MIA2: variants seen among roughly 807,000 people sequenced by gnomAD.
The protein encoded by MIA2 is MIA SH3 domain ER export factor 2.
In MIA2, 127 loss-of-function variants were observed where a neutral mutation model predicts 167.8. The observed-to-expected ratio is 0.76, with a 90% CI of 0.66 to 0.88. The LOEUF (loss-of-function observed/expected upper bound fraction) is 0.88. Among genes scored for constraint, MIA2 ranks in the 40% least tolerant of loss-of-function variants. MIA2 has a pLI of 0.00. For synonymous variants in MIA2, 552 were observed against 541.9 expected (o/e 1.02, Z -0.26); for missense variants, 1,690 against 1,624.7 (o/e 1.04, Z -0.69).
rs556712521 is a variant in MIA2, at chr14:39,272,136, G to A, written c.1888-4798G>A. Among the ~76,000 whole-genome samples the A allele has an allele frequency of 3.9e-5, 6 of 152,202 alleles. No homozygotes were observed. In the South Asian group the frequency reaches 8.3e-4, roughly 21 times the overall value. On this transcript the variant is annotated intron_variant, in intron 6 of 28. Transcript: ENST00000640607. ...TGGGAGGCTGATGGGGGTGGATCAC[G>A]AGGTCAGGAGTTTGAGACCAGCCTG...
At chr14:39,305,819 C>T (rs1047750294) in intron 17 of MIA2, among the ~76,000 whole-genome samples, 2 of 151,818 alleles carry the variant, frequency 1.3e-5, no homozygotes, top group Non-Finnish European at 2.9e-5. Context: ...GCCTGTAATC[C>T]CAGCTGCTTG....
intron 23 of MIA2, among the ~76,000 whole-genome samples, chr14:39,359,273 T>G (rs1439062495): frequency 6.6e-6 from 1 of 152,216 alleles, no homozygotes; most frequent in African/African-American, 2.4e-5. Flanking sequence ...CCCCCAGCCT[T>G]GCTGTCGCCT....
intron 23 of MIA2, among the ~76,000 whole-genome samples, chr14:39,379,975 A>T (rs903001723): frequency 6.6e-6 from 1 of 152,238 alleles, no homozygotes; most frequent in South Asian, 2.1e-4. Context: ...TTGCTTTTCA[A>T]TGTGGGGAGT....
At chr14:39,346,130 T>C in intron 26 of MIA2, 104 bp downstream of exon 26, 1 of 898,464 alleles carries the variant, frequency 1.1e-6, no homozygotes, top group Non-Finnish European at 1.8e-6. Flanking sequence ...TAGTAGTTCC[T>C]AAGGCCAAAA....
chr14:39,235,806 T>C (rs11628075), intron 1 of MIA2, among the ~76,000 whole-genome samples: 42,919 of 151,764 alleles, frequency 0.28, 6,466 homozygotes, highest in East Asian at 0.49. Context: ...AAAAAAAAAT[T>C]TTTCTTTCCC....
intron 12 of MIA2, 61 bp from the exon 13 acceptor site, chr14:39,294,864 G>T: frequency 1.8e-6 from 2 of 1,113,672 alleles, no homozygotes; most frequent in South Asian, 1.3e-5. Context: ...GGGAGTATGT[G>T]TAAAGATGAG....
chr14:39,316,794 T>G (rs2065530782), intron 21 of MIA2, among the ~76,000 whole-genome samples: 1 of 151,560 alleles, frequency 6.6e-6, no homozygotes, highest in Admixed American at 6.6e-5. Context: ...GATTACTCTT[T>G]GAAGATGGAG....
chr14:39,248,876 A>T lies in MIA2; in HGVS notation c.1567+735A>T, dbSNP rs1024955824. Among the ~76,000 whole-genome samples, 6 of 151,842 alleles carry T rather than the reference A, an allele frequency of 4.0e-5. No homozygotes were observed. The South Asian group carries it at 6.2e-4, about 16-fold the overall frequency. On this transcript the variant is annotated intron_variant, in intron 4 of 28. Transcript: ENST00000640607. ...CACCTTAGCCTCCCAAGTAGCTGGG[A>T]CTATGGCCATGTGCCAACACAGCCG...
intron 23 of MIA2, among the ~76,000 whole-genome samples, chr14:39,320,084 G>GGGT (rs1308180133): frequency 7.2e-6 from 1 of 138,300 alleles, no homozygotes; most frequent in African/African-American, 2.7e-5. Flanking sequence ...GTTTGGATTG[G>GGGT]GGTGAAGTAT....
rs2053718695 is a variant in MIA2, at chr14:39,235,885, A to G, written c.116-1037A>G. 3.9e-5 allele frequency among the ~76,000 whole-genome samples: 6 copies of G among 152,274 alleles called. No homozygotes were observed. The South Asian group carries it at 1.0e-3, about 26-fold the overall frequency. ...TAGAACATGAAAAGGGAACATTCAA[A>G]TTTATAGAAATTTATAATGTTATTT... On this transcript the variant is annotated intron_variant, in intron 1 of 28. Transcript: ENST00000640607.
intron 25 of MIA2, among the ~76,000 whole-genome samples, chr14:39,330,229 C>T (rs571428199): frequency 6.6e-6 from 1 of 152,310 alleles, no homozygotes; most frequent in African/African-American, 2.4e-5. Flanking sequence ...TTATCCATTT[C>T]TTCTAGATTT....
rs372375236 is a variant in MIA2 at position 39,350,084 on chromosome 14, A to G, written c.4073-14A>G. 5 of 1,126,560 alleles carry G rather than the reference A, an allele frequency of 4.4e-6. No individual in the cohort carries two copies. The highest frequency in any genetic ancestry group is 2.8e-5 in the East Asian group (1 of 35,680). The allele number at this position is 1,126,560 out of a possible 1,614,324, so 69.8% of individuals were successfully genotyped here. Reference sequence around the variant, plus strand: ...TAAAGTTAAAAAATGTCTTTTACCAATCTCTTTGAACAGTGAGAAATGTCT... The same window carrying G: ...TAAAGTTAAAAAATGTCTTTTACCAGTCTCTTTGAACAGTGAGAAATGTCT... On this transcript the variant is annotated splice_polypyrimidine_tract_variant and intron_variant, in intron 28 of 28. Coordinates refer to ENST00000640607, the MANE Select transcript of MIA2 (RefSeq NM_001329214.4).
At chr14:39,269,073 A>AGTTTTTGTTTTTTTTTTTTT (rs1247083976) in intron 6 of MIA2, 1 of 349,128 alleles carries the variant, frequency 2.9e-6, no homozygotes, top group Non-Finnish European at 3.5e-6. Flanking sequence ...TCACCTGCAC[A>AGTTTTTGTTTTTTTTTTTTT]GTTTTTTTTT....
downstream of MIA2, among the ~76,000 whole-genome samples, chr14:39,354,985 C>T (rs2074483660): frequency 6.6e-6 from 1 of 152,054 alleles, no homozygotes; most frequent in Admixed American, 6.5e-5. Context: ...AGTTTGAAGT[C>T]AGGTAGCGTG....
At chr14:39,254,123 A>G (rs1180917520) in intron 6 of MIA2, among the ~76,000 whole-genome samples, 1 of 152,102 alleles carries the variant, frequency 6.6e-6, no homozygotes, top group African/African-American at 2.4e-5. Context: ...GAGGGTGGGG[A>G]GAAGGAGCCT....
In MIA2 at chr14:39,299,940, A is replaced by G. The variant is rs754502112; in HGVS notation, c.2573A>G (p.Lys858Arg). ...CAGAAAGTAACATTTGAAGACTCCA[A>G]AGTACATGCAGAACAAGTTCTAAAT... is the stretch of plus-strand genomic sequence containing the variant. ...NKQKVTFEDSKVHAEQVLNDK... is the reference protein window; with the variant it reads ...NKQKVTFEDSRVHAEQVLNDK... The change falls in exon 14 of 29, where the codon AAA becomes AGA. Residue 858 changes from lysine (K) to arginine (R), a missense_variant. By Grantham distance (26) the Lys-to-Arg change is conservative (BLOSUM62 2). Coordinates refer to ENST00000640607, the MANE Select transcript of MIA2 (RefSeq NM_001329214.4). 12 of 1,609,874 alleles carry G rather than the reference A, an allele frequency of 7.5e-6. No individual in the cohort carries two copies. The highest frequency in any genetic ancestry group is 4.0e-5 in the African/African-American group (3 of 74,574).
chr14:39,252,895 A>G lies in MIA2; in HGVS notation c.1715A>G (p.Asn572Ser). Residue 572 changes from asparagine (N) to serine (S), a missense_variant, in exon 5 of 29, where the codon AAT becomes AGT. By Grantham distance (46) the Asn-to-Ser change is conservative. Transcript: ENST00000640607. ...ALVEIDRSVENTLLNSQMVST... is the reference protein window; with the variant it reads ...ALVEIDRSVESTLLNSQMVST... ...GTGGAGATAGACAGATCTGTGGAAAATACCCTGCTAAATAGTCAGATGGTT... is the reference window on the plus strand; with the variant it reads ...GTGGAGATAGACAGATCTGTGGAAAGTACCCTGCTAAATAGTCAGATGGTT... 1.9e-6 allele frequency: 3 copies of G among 1,613,988 alleles called. No individual in the cohort carries two copies. In the Admixed American group the frequency reaches 5.0e-5, roughly 27 times the overall value.
intron 6 of MIA2, chr14:39,266,963 A>G (rs1050148324): frequency 1.4e-6 from 1 of 692,536 alleles, no homozygotes; most frequent in Non-Finnish European, 1.8e-6. Flanking sequence ...GGCTCACACG[A>G]CAGCGCGGAG....
At chr14:39,237,566 T>C (rs2152600047) in intron 2 of MIA2, among the ~76,000 whole-genome samples, 1 of 152,282 alleles carries the variant, frequency 6.6e-6, no homozygotes, top group East Asian at 1.9e-4. Context: ...AAAAGAGGCT[T>C]TTTGGGAAGG....
Sources: gnomAD v4.1 joint callset for allele counts (sites outside exome capture counted in the v4.1 genomes callset) on GRCh38, gnomAD v4.1.1 for gene constraint, MANE v1.5 for transcripts, NCBI Gene and HGNC (gene_info 2026-07-23, HGNC 2026-07-21) for gene names.